The following PABPC4L variants were observed in gnomAD, a reference collection of about 807,000 sequenced individuals.
PABPC4L encodes polyadenylate-binding protein 4-like.
For synonymous variants in PABPC4L, 169 were observed against 164.1 expected, an observed-to-expected ratio of 1.03 and a Z score of -0.23; for missense variants, 452 against 451.4, an observed-to-expected ratio of 1.00 and a Z score of -0.01.
the PABPC4L span, among the ~76,000 whole-genome samples, chr4:134,170,141 C>G: frequency 1.1e-4 from 16 of 151,984 alleles, no homozygotes; most frequent in East Asian, 7.8e-4. Flanking sequence ...ATGTGGTATT[C>G]GGTTTTCTGT....
the PABPC4L span, among the ~76,000 whole-genome samples, chr4:133,967,506 A>C: frequency 1.3e-5 from 2 of 152,280 alleles, no homozygotes; most frequent in African/African-American, 2.4e-5. Flanking sequence ...AAATAACCTA[A>C]GAAGAGAATG....
At chr4:134,129,476 T>A in the PABPC4L span, among the ~76,000 whole-genome samples, 1 of 151,924 alleles carries the variant, frequency 6.6e-6, no homozygotes, top group Admixed American at 6.6e-5. Flanking sequence ...TCAAGTACTC[T>A]CTCAGACCAC....
the PABPC4L span, among the ~76,000 whole-genome samples, chr4:134,138,282 A>T: frequency 6.6e-6 from 1 of 151,870 alleles, no homozygotes; most frequent in African/African-American, 2.4e-5. Context: ...CACATTTATT[A>T]ATGTTAAGAA....
the PABPC4L span, among the ~76,000 whole-genome samples, chr4:134,080,654 G>A: frequency 4.6e-5 from 7 of 152,054 alleles, no homozygotes; most frequent in Non-Finnish European, 1.0e-4. Context: ...TCATTTTTAT[G>A]TATCCACAGA....
chr4:134,193,747 A>C (rs1729578563), downstream of PABPC4L, among the ~76,000 whole-genome samples: 1 of 151,878 alleles, frequency 6.6e-6, no homozygotes, highest in African/African-American at 2.4e-5. Context: ...TTGTCTCTCC[A>C]CAAGGGTCCC....
At chr4:134,159,354 G>A in the PABPC4L span, among the ~76,000 whole-genome samples, 2 of 152,062 alleles carry the variant, frequency 1.3e-5, no homozygotes, top group South Asian at 4.1e-4. Flanking sequence ...ACTCAGATGA[G>A]TAATCATAGT....
At chr4:134,095,116 AT>A in the PABPC4L span, among the ~76,000 whole-genome samples, 1 of 151,556 alleles carries the variant, frequency 6.6e-6, no homozygotes, top group Admixed American at 6.6e-5. Flanking sequence ...TTCTTGGTAA[AT>A]TTTTTTTAAT....
Position 134,201,175 on chromosome 4 carries a change from G to A in PABPC4L, c.-156C>T. On this transcript the variant is annotated 5_prime_UTR_variant, in exon 2 of 2. Transcript: ENST00000421491. ...ATGGAGTTCAGACACGACTCCCCCA[G>A]CTCAGGCAACACCCTCATCCAAAAG... 6.5e-7 allele frequency: 1 copy of A among 1,548,376 alleles called. No individual in the cohort carries two copies. The highest frequency in any genetic ancestry group is 8.7e-7 in the Non-Finnish European group (1 of 1,145,952).
chr4:134,029,121 A>C, the PABPC4L span, among the ~76,000 whole-genome samples: 2 of 152,150 alleles, frequency 1.3e-5, no homozygotes, highest in Non-Finnish European at 2.9e-5. Flanking sequence ...CAAATGTATG[A>C]GCAACACTTC....
At chr4:134,167,049 C>G in the PABPC4L span, among the ~76,000 whole-genome samples, 1 of 152,016 alleles carries the variant, frequency 6.6e-6, no homozygotes, top group Non-Finnish European at 1.5e-5. Flanking sequence ...CATTCCTATC[C>G]TAAAAAGTAA....
chr4:134,093,270 C>A, the PABPC4L span, among the ~76,000 whole-genome samples: 2 of 151,024 alleles, frequency 1.3e-5, no homozygotes, highest in South Asian at 2.1e-4. Context: ...GGTTTTTGAG[C>A]TGAAAATTTG....
chr4:134,051,995 C>T, the PABPC4L span, among the ~76,000 whole-genome samples: 17 of 151,970 alleles, frequency 1.1e-4, no homozygotes, highest in African/African-American at 3.4e-4. Context: ...AAATAGAAAA[C>T]GTTTCTTTTA....
chr4:134,053,420 C>G, the PABPC4L span, among the ~76,000 whole-genome samples: 1 of 152,084 alleles, frequency 6.6e-6, no homozygotes, highest in East Asian at 1.9e-4. Flanking sequence ...GCAATGACTT[C>G]TTCACATGCA....
At chr4:134,187,994 A>G in the PABPC4L span, among the ~76,000 whole-genome samples, 1 of 151,772 alleles carries the variant, frequency 6.6e-6, no homozygotes, top group African/African-American at 2.4e-5. Context: ...CTCCTTTTTT[A>G]TGTCTTCCAG....
the PABPC4L span, among the ~76,000 whole-genome samples, chr4:133,982,847 AC>A: frequency 1.3e-5 from 2 of 152,044 alleles, no homozygotes; most frequent in Non-Finnish European, 2.9e-5. Flanking sequence ...GGAGCACAGT[AC>A]TTGTCAAACA....
At chr4:134,135,697 G>A in the PABPC4L span, among the ~76,000 whole-genome samples, 1 of 152,044 alleles carries the variant, frequency 6.6e-6, no homozygotes, top group South Asian at 2.1e-4. Flanking sequence ...GCTGGGCATG[G>A]TGGCACATGC....
At chr4:134,187,888 T>C in the PABPC4L span, among the ~76,000 whole-genome samples, 2 of 152,136 alleles carry the variant, frequency 1.3e-5, no homozygotes, top group African/African-American at 4.8e-5. Context: ...TGTCATTTAA[T>C]TGGTGTCTGT....
At chr4:134,168,113 A>C in the PABPC4L span, among the ~76,000 whole-genome samples, 1 of 152,224 alleles carries the variant, frequency 6.6e-6, no homozygotes, top group South Asian at 2.1e-4. Flanking sequence ...GAAATCAATA[A>C]CAAGAGGAAA....
chr4:134,021,911 C>A, the PABPC4L span, among the ~76,000 whole-genome samples: 53 of 152,018 alleles, frequency 3.5e-4, no homozygotes, highest in Admixed American at 6.6e-4. Flanking sequence ...AGTTAATGAG[C>A]TTCATGTAAA....
Sources: gnomAD v4.1 joint callset for allele counts (sites outside exome capture counted in the v4.1 genomes callset) on GRCh38, gnomAD v4.1.1 for gene constraint, MANE v1.5 for transcripts, NCBI Gene and HGNC (gene_info 2026-07-23, HGNC 2026-07-21) for gene names.